HMGCLL1: variants seen among roughly 807,000 people sequenced by gnomAD.
HMGCLL1 encodes the protein 3-hydroxymethyl-3-methylglutaryl-CoA lyase, cytoplasmic.
Under a neutral mutation model 39.1 loss-of-function variants are expected in HMGCLL1, and 36 were observed. The observed-to-expected ratio is 0.92, with a 90% CI of 0.71 to 1.22. The LOEUF (loss-of-function observed/expected upper bound fraction) is 1.22, where lower values mean the gene tolerates loss of function less well. Among genes scored for constraint, HMGCLL1 ranks in the 50% most tolerant of loss-of-function variants. The pLI, the probability that HMGCLL1 is intolerant of heterozygous loss-of-function variation, is 0.00. For missense variants in HMGCLL1, 451 were observed against 416.5 expected (o/e 1.08, Z -0.72); for synonymous variants, 149 against 144.0 (o/e 1.03, Z -0.25).
At chr6:55,474,128 C>T (rs1433205188) in intron 7 of HMGCLL1, among the ~76,000 whole-genome samples, 8 of 151,440 alleles carry the variant, frequency 5.3e-5, no homozygotes, top group Admixed American at 2.7e-4. Flanking sequence ...CTGAGCTTCC[C>T]GGATCTATGG....
chr6:55,480,384 C>G (rs753393190), intron 7 of HMGCLL1, among the ~76,000 whole-genome samples: 10 of 151,632 alleles, frequency 6.6e-5, no homozygotes, highest in Non-Finnish European at 1.2e-4. Context: ...CTCAACATAA[C>G]TGATCATCAG....
At chr6:55,474,686 T>TTTG (rs978637227) in intron 7 of HMGCLL1, among the ~76,000 whole-genome samples, 1 of 151,474 alleles carries the variant, frequency 6.6e-6, no homozygotes, top group African/African-American at 2.4e-5. Flanking sequence ...CTGCCTTTGA[T>TTTG]TTGTTGTTGT....
the HMGCLL1 span, among the ~76,000 whole-genome samples, chr6:55,655,376 T>G: frequency 3.1e-4 from 47 of 151,870 alleles, no homozygotes; most frequent in African/African-American, 9.9e-4. Flanking sequence ...CTCCTTATTT[T>G]AAGGTAAATC....
chr6:55,597,514 T>A, the HMGCLL1 span, among the ~76,000 whole-genome samples: 1 of 151,266 alleles, frequency 6.6e-6, no homozygotes, highest in Admixed American at 6.6e-5. Context: ...TATTAAGATG[T>A]TAAAAAAAAA....
At chr6:55,497,125 G>T (rs772730617) in intron 6 of HMGCLL1, among the ~76,000 whole-genome samples, 1 of 152,054 alleles carries the variant, frequency 6.6e-6, no homozygotes, top group Non-Finnish European at 1.5e-5. Context: ...AATGCATAAA[G>T]GCAGCATGGT....
the HMGCLL1 span, among the ~76,000 whole-genome samples, chr6:55,678,782 G>T: frequency 6.6e-6 from 1 of 152,182 alleles, no homozygotes; most frequent in South Asian, 2.1e-4. Flanking sequence ...TTTTTAACCA[G>T]TTAGAAAACA....
intron 3 of HMGCLL1, 91 bp from the exon 4 acceptor site, chr6:55,516,694 C>A: frequency 1.4e-6 from 1 of 693,946 alleles, no homozygotes; most frequent in African/African-American, 1.8e-5. Context: ...GTTACATGGA[C>A]AGTTAGAGTC....
intron 5 of HMGCLL1, chr6:55,513,718 G>GT: frequency 3.3e-6 from 1 of 304,144 alleles, no homozygotes; most frequent in Non-Finnish European, 5.9e-6. Context: ...GCTGTTGTGA[G>GT]TTTATACCAA....
chr6:55,645,845 T>A, the HMGCLL1 span, among the ~76,000 whole-genome samples: 1 of 151,682 alleles, frequency 6.6e-6, no homozygotes, highest in African/African-American at 2.4e-5. Context: ...GAGATATTGG[T>A]TTGTAGTTTT....
intron 7 of HMGCLL1, among the ~76,000 whole-genome samples, chr6:55,472,263 T>A (rs903383366): frequency 6.6e-6 from 1 of 151,658 alleles, no homozygotes; most frequent in Non-Finnish European, 1.5e-5. Context: ...TACCATTCGT[T>A]CCACATTTTT....
At chr6:55,450,664 A>T (rs1764041887) in intron 7 of HMGCLL1, among the ~76,000 whole-genome samples, 1 of 152,234 alleles carries the variant, frequency 6.6e-6, no homozygotes, top group South Asian at 2.1e-4. Flanking sequence ...AGAGATATCT[A>T]GGTTATGTGA....
chr6:55,669,940 G>A, the HMGCLL1 span, among the ~76,000 whole-genome samples: 1 of 151,718 alleles, frequency 6.6e-6, no homozygotes. Flanking sequence ...ATGTGAAAAA[G>A]TAACAGCTAA....
chr6:55,528,205 G>C (rs62405400), intron 3 of HMGCLL1, among the ~76,000 whole-genome samples: 33,727 of 151,938 alleles, frequency 0.22, 3,915 homozygotes, highest in Admixed American at 0.27. Context: ...AGCTGGATTA[G>C]ACATAACTGA....
At chr6:55,554,647 A>T (rs1647181929) in intron 1 of HMGCLL1, among the ~76,000 whole-genome samples, 1 of 152,136 alleles carries the variant, frequency 6.6e-6, no homozygotes, top group African/African-American at 2.4e-5. Flanking sequence ...TATGCTGAGA[A>T]CAATCCAAGC....
At chr6:55,570,602 C>T (rs1771430789) in intron 1 of HMGCLL1, among the ~76,000 whole-genome samples, 1 of 152,160 alleles carries the variant, frequency 6.6e-6, no homozygotes, top group African/African-American at 2.4e-5. Context: ...TCCCTTCATC[C>T]CAAATCCTGA....
upstream of HMGCLL1, among the ~76,000 whole-genome samples, chr6:55,579,957 C>G: frequency 6.6e-6 from 1 of 152,206 alleles, no homozygotes; most frequent in African/African-American, 2.4e-5. Flanking sequence ...ATTGTCACAC[C>G]CTAATAATCT....
intron 7 of HMGCLL1, among the ~76,000 whole-genome samples, chr6:55,469,733 C>T (rs1332118957): frequency 6.6e-6 from 1 of 151,542 alleles, no homozygotes; most frequent in African/African-American, 2.4e-5. Flanking sequence ...ACAAAGAATC[C>T]AGGGGGCTTC....
chr6:55,593,303 TA>T, the HMGCLL1 span, among the ~76,000 whole-genome samples: 1 of 152,220 alleles, frequency 6.6e-6, no homozygotes, highest in Non-Finnish European at 1.5e-5. Context: ...GTTTATTTTT[TA>T]GTGTCAGTAG....
the HMGCLL1 span, among the ~76,000 whole-genome samples, chr6:55,676,177 C>G: frequency 6.6e-6 from 1 of 152,112 alleles, no homozygotes; most frequent in East Asian, 1.9e-4. Context: ...CTTTTAATAA[C>G]CATTAAAGTA....
Sources: allele counts gnomAD v4.1 joint callset (sites outside exome capture counted in the v4.1 genomes callset), GRCh38; gene constraint gnomAD v4.1.1; transcripts MANE v1.5; gene names NCBI Gene and HGNC (gene_info 2026-07-23, HGNC 2026-07-21).